The following NAALADL2 variants were observed in gnomAD, a reference collection of about 807,000 sequenced individuals.
NAALADL2 encodes the protein inactive N-acetylated-alpha-linked acidic dipeptidase-like protein 2.
A neutral mutation model predicts 87.2 loss-of-function variants in NAALADL2; 76 were observed. The ratio of observed to expected loss-of-function variants is 0.87; its 90% CI spans 0.72 to 1.05. NAALADL2 has a LOEUF of 1.05. NAALADL2 is among the 50% of genes least tolerant of loss of function. The probability of loss-of-function intolerance (pLI) is 0.00; values close to 1 mark genes in which losing one functional copy is unlikely to be tolerated. For synonymous variants in NAALADL2, 354 were observed against 331.0 expected (o/e 1.07, Z -0.75); for missense variants, 1,089 against 945.8 (o/e 1.15, Z -1.99).
At chr3:175,524,045 T>C (rs991018845) in intron 9 of NAALADL2, among the ~76,000 whole-genome samples, 2 of 152,222 alleles carry the variant, frequency 1.3e-5, no homozygotes, top group Non-Finnish European at 2.9e-5. Context: ...TAAAAAGCTT[T>C]CTCTGGAAAG....
chr3:174,577,696 T>G (rs7430111), intron 2 of NAALADL2, among the ~76,000 whole-genome samples: 77,973 of 151,864 alleles, frequency 0.51, 22,438 homozygotes, highest in East Asian at 0.81. Context: ...AATCCAGAGT[T>G]TTTGCCAGGT....
intron 3 of NAALADL2, among the ~76,000 whole-genome samples, chr3:174,763,228 A>G (rs1042636708): frequency 6.6e-6 from 1 of 152,170 alleles, no homozygotes; most frequent in African/African-American, 2.4e-5. Flanking sequence ...GTTCAGAGTG[A>G]TATATGAATA....
chr3:175,684,455 A>C (rs909787438), intron 11 of NAALADL2, among the ~76,000 whole-genome samples: 1 of 152,194 alleles, frequency 6.6e-6, no homozygotes, highest in Non-Finnish European at 1.5e-5. Context: ...GTTATTTTCT[A>C]AATCCCAAAC....
At chr3:175,368,979 G>A (rs1282323999) in intron 5 of NAALADL2, among the ~76,000 whole-genome samples, 2 of 152,146 alleles carry the variant, frequency 1.3e-5, no homozygotes, top group Non-Finnish European at 2.9e-5. Context: ...GGGTGGATCT[G>A]TGAATGAGCA....
At chr3:174,763,432 C>T (rs923791156) in intron 3 of NAALADL2, among the ~76,000 whole-genome samples, 2 of 150,980 alleles carry the variant, frequency 1.3e-5, no homozygotes, top group Admixed American at 6.6e-5. Context: ...ACTAAAAATA[C>T]AAAAATTAGC....
intron 2 of NAALADL2, among the ~76,000 whole-genome samples, chr3:174,637,815 A>G (rs1722798060): frequency 6.6e-6 from 1 of 152,044 alleles, no homozygotes; most frequent in Admixed American, 6.5e-5. Flanking sequence ...ATATTTGGGG[A>G]TTTTATAAAG....
chr3:175,045,235 C>T (rs1481851775), intron 1 of NAALADL2, among the ~76,000 whole-genome samples: 2 of 152,144 alleles, frequency 1.3e-5, no homozygotes, highest in African/African-American at 4.8e-5. Flanking sequence ...TTTCATACTG[C>T]ATCACACTCT....
intron 5 of NAALADL2, among the ~76,000 whole-genome samples, chr3:175,340,366 A>G (rs1234252372): frequency 6.6e-6 from 1 of 152,150 alleles, no homozygotes; most frequent in Non-Finnish European, 1.5e-5. Flanking sequence ...TCATATCAGG[A>G]TGGAAAACAA....
intron 2 of NAALADL2, among the ~76,000 whole-genome samples, chr3:174,639,377 A>G (rs966682076): frequency 6.6e-6 from 1 of 152,178 alleles, no homozygotes; most frequent in African/African-American, 2.4e-5. Context: ...GGTGTATGGG[A>G]GCTGTTTGGC....
At chr3:174,642,622 T>C (rs1191239831) in intron 2 of NAALADL2, among the ~76,000 whole-genome samples, 2 of 151,770 alleles carry the variant, frequency 1.3e-5, no homozygotes, top group Non-Finnish European at 1.5e-5. Context: ...TGTTTCCTCT[T>C]TCTCTTCCTT....
intron 2 of NAALADL2, among the ~76,000 whole-genome samples, chr3:174,662,469 T>G (rs1189835806): frequency 6.6e-6 from 1 of 152,200 alleles, no homozygotes; most frequent in Non-Finnish European, 1.5e-5. Flanking sequence ...CATAGCTGAC[T>G]CATGGTTATT....
At chr3:175,218,256 T>A in intron 2 of NAALADL2, 1 of 297,934 alleles carries the variant, frequency 3.4e-6, no homozygotes, top group Non-Finnish European at 6.7e-6. Context: ...TAAAAACCAA[T>A]GGGTTATATA....
intron 2 of NAALADL2, among the ~76,000 whole-genome samples, chr3:174,653,685 C>T (rs1347013736): frequency 1.3e-5 from 2 of 151,914 alleles, no homozygotes; most frequent in Non-Finnish European, 2.9e-5. Context: ...TGGACAATGG[C>T]AGAGTAGCTA....
intron 5 of NAALADL2, among the ~76,000 whole-genome samples, chr3:175,382,385 G>GT (rs879853213): frequency 6.7e-4 from 101 of 151,628 alleles, no homozygotes; most frequent in African/African-American, 2.2e-3. Context: ...CTGTTTATTT[G>GT]TTTTTTTAAA....
chr3:175,628,492 A>T (rs1204786080), intron 11 of NAALADL2, among the ~76,000 whole-genome samples: 1 of 151,114 alleles, frequency 6.6e-6, no homozygotes, highest in African/African-American at 2.4e-5. Flanking sequence ...CTGACATCAC[A>T]TGGCATCATA....
At chr3:175,255,321 A>G (rs903782177) in intron 3 of NAALADL2, among the ~76,000 whole-genome samples, 5 of 152,214 alleles carry the variant, frequency 3.3e-5, no homozygotes, top group African/African-American at 1.2e-4. Flanking sequence ...TATAGAAACA[A>G]TGCTCTTTCT....
At chr3:175,209,168 C>T (rs748196606) in intron 2 of NAALADL2, among the ~76,000 whole-genome samples, 11 of 152,022 alleles carry the variant, frequency 7.2e-5, no homozygotes, top group African/African-American at 1.2e-4. Flanking sequence ...GTCGTCTGTT[C>T]CTAAATCAAC....
Position 175,627,331 on chromosome 3 carries a change from C to G in NAALADL2, c.1841C>G (p.Ala614Gly). Residue 614 changes from alanine (A) to glycine (G), a missense_variant, in exon 11 of 14, where the codon GCA becomes GGA. By Grantham distance (60) the Ala-to-Gly change is moderately conservative. Coordinates refer to ENST00000454872, the MANE Select transcript of NAALADL2 (RefSeq NM_207015.3). ...FLSEARFSTR[A>G]TKIEEMDPSF... ...TCCGAGGCCCGTTTTTCTACACGAG[C>G]AACAAAAATTGAAGAAATGGATCCC... 6.4e-7 allele frequency: 1 copy of G among 1,572,946 alleles called. No homozygotes were observed. The highest frequency in any genetic ancestry group is 8.6e-7 in the Non-Finnish European group (1 of 1,156,654).
chr3:174,951,377 T>C (rs985439449), intron 1 of NAALADL2, among the ~76,000 whole-genome samples: 1 of 152,034 alleles, frequency 6.6e-6, no homozygotes. Flanking sequence ...CAAGCTCACA[T>C]TATGAACAAA....
Sources: gnomAD v4.1 joint callset for allele counts (sites outside exome capture counted in the v4.1 genomes callset) on GRCh38, gnomAD v4.1.1 for gene constraint, MANE v1.5 for transcripts, NCBI Gene and HGNC (gene_info 2026-07-23, HGNC 2026-07-21) for gene names.